The following TTC27 variants were observed in gnomAD, a reference collection of about 807,000 sequenced individuals.
TTC27 encodes tetratricopeptide repeat domain 27.
A neutral mutation model predicts 115.9 loss-of-function variants in TTC27; 79 were observed. That is an observed-to-expected ratio of 0.68 (90% CI 0.57 to 0.82). TTC27 has a LOEUF of 0.82. Ranked by LOEUF, TTC27 falls within the 40% of genes least tolerant of loss-of-function variation. The pLI is 0.00. For synonymous variants in TTC27, 401 were observed against 356.0 expected, an observed-to-expected ratio of 1.13 and a Z score of -1.42; for missense variants, 1,054 against 993.1, an observed-to-expected ratio of 1.06 and a Z score of -0.82.
At chr2:32,639,259 G>A (rs1385948538) in intron 3 of TTC27, among the ~76,000 whole-genome samples, 1 of 152,216 alleles carries the variant, frequency 6.6e-6, no homozygotes, top group Non-Finnish European at 1.5e-5. Flanking sequence ...TGTGACATTG[G>A]AACCCATGTT....
intron 15 of TTC27, among the ~76,000 whole-genome samples, chr2:32,783,634 T>G (rs1019747356): frequency 2.6e-5 from 4 of 152,190 alleles, no homozygotes; most frequent in Admixed American, 2.6e-4. Flanking sequence ...TGAGGCAGAC[T>G]AGAGGAAACT....
At chr2:32,703,303 C>T (rs559985721) in intron 10 of TTC27, among the ~76,000 whole-genome samples, 1 of 152,262 alleles carries the variant, frequency 6.6e-6, no homozygotes, top group South Asian at 2.1e-4. Flanking sequence ...CCCGTCTCTA[C>T]TGAAAATACA....
chr2:32,738,421 C>T (rs377552805), intron 12 of TTC27, among the ~76,000 whole-genome samples: 1 of 152,130 alleles, frequency 6.6e-6, no homozygotes, highest in Non-Finnish European at 1.5e-5. Context: ...TGTGATTCTA[C>T]GAGATGTTTT....
chr2:32,631,263 A>C (rs372934331), intron 2 of TTC27, among the ~76,000 whole-genome samples: 1 of 152,154 alleles, frequency 6.6e-6, no homozygotes, highest in Non-Finnish European at 1.5e-5. Context: ...ATATCCCGCC[A>C]TTGCACTCTA....
At chr2:32,798,177 C>T (rs766740999) in intron 16 of TTC27, among the ~76,000 whole-genome samples, 8 of 150,666 alleles carry the variant, frequency 5.3e-5, no homozygotes, top group Middle Eastern at 3.4e-3. Context: ...GAGGCCAAGG[C>T]GGGCAGATCA....
chr2:32,628,342 A>C lies in TTC27; in HGVS notation c.50A>C (p.Glu17Ala), dbSNP rs972203898. 1.2e-6 allele frequency: 2 copies of C among 1,608,044 alleles called. No individual in the cohort carries two copies. The highest frequency in any genetic ancestry group is 1.7e-6 in the Non-Finnish European group (2 of 1,178,212). ...CTGAGGGGATTCCCCACTGAGGCTG[A>C]GCGGCAGCAATGGAAACAGGAGGGG... is the stretch of plus-strand genomic sequence containing the variant. ...AILRGFPTEAERQQWKQEGVV... is the reference protein window; with the variant it reads ...AILRGFPTEAARQQWKQEGVV... The change falls in exon 1 of 20, where the codon GAG becomes GCG. Residue 17 changes from glutamate to alanine, a missense_variant. Transcript: ENST00000317907.
At chr2:32,728,148 C>G (rs1668172148) in intron 10 of TTC27, among the ~76,000 whole-genome samples, 1 of 149,868 alleles carries the variant, frequency 6.7e-6, no homozygotes, top group African/African-American at 2.5e-5. Flanking sequence ...TCACACCATT[C>G]TCCTGCCTCA....
chr2:32,640,614 C>A (rs761814398), intron 4 of TTC27, among the ~76,000 whole-genome samples: 1 of 152,160 alleles, frequency 6.6e-6, no homozygotes, highest in Non-Finnish European at 1.5e-5. Flanking sequence ...TTATGTTGCA[C>A]CTCCTTAATA....
intron 3 of TTC27, 91 bp downstream of exon 3, chr2:32,634,096 A>G: frequency 7.1e-7 from 1 of 1,400,660 alleles, no homozygotes; most frequent in Non-Finnish European, 9.6e-7. Context: ...ATAGTAGGAA[A>G]GAAACATGAC....
At chr2:32,705,834 G>A (rs528666886) in intron 10 of TTC27, among the ~76,000 whole-genome samples, 2 of 152,092 alleles carry the variant, frequency 1.3e-5, no homozygotes, top group Admixed American at 6.5e-5. Flanking sequence ...GATTATAGGC[G>A]GGAGCCACCT....
At chr2:32,680,990 T>C (rs894086279) in intron 9 of TTC27, among the ~76,000 whole-genome samples, 6 of 152,184 alleles carry the variant, frequency 3.9e-5, no homozygotes, top group Non-Finnish European at 8.8e-5. Context: ...GGGTAACTCA[T>C]CATTCCTAGC....
At chr2:32,652,039 T>A (rs988916571) in intron 5 of TTC27, among the ~76,000 whole-genome samples, 1 of 152,164 alleles carries the variant, frequency 6.6e-6, no homozygotes, top group Non-Finnish European at 1.5e-5. Context: ...AACCTGACCC[T>A]CTCATACCAA....
At chr2:32,753,180 C>T (rs1451866096) in intron 12 of TTC27, among the ~76,000 whole-genome samples, 1 of 152,046 alleles carries the variant, frequency 6.6e-6, no homozygotes, top group Non-Finnish European at 1.5e-5. Context: ...TTCTTCACAG[C>T]ATGATGACTA....
chr2:32,788,358 A>T (rs1670417181), intron 16 of TTC27, among the ~76,000 whole-genome samples: 1 of 152,054 alleles, frequency 6.6e-6, no homozygotes, highest in Admixed American at 6.6e-5. Flanking sequence ...GAAGTCCTCT[A>T]GGGCCAGGCT....
At chr2:32,636,461 G>T (rs947288759) in intron 3 of TTC27, among the ~76,000 whole-genome samples, 1 of 152,064 alleles carries the variant, frequency 6.6e-6, no homozygotes, top group Non-Finnish European at 1.5e-5. Context: ...TGATCCACCC[G>T]CCTCGGCCTC....
rs372817304 is a variant in TTC27, at chr2:32,787,142, A to T, written c.1991A>T (p.Asp664Val). The T allele has an allele frequency of 6.2e-7, 1 of 1,611,654 alleles. No homozygotes were observed. ...TTGGACTTACGTGACAAATACAAAG[A>T]TGTTCAGGTAGGATATTCCTATTCC... ...RLLDLRDKYK[D>V]VQVLKILVRA... The change falls in exon 16 of 20, where the codon GAT (aspartate) becomes GTT (valine). Residue 664 changes from aspartate (D) to valine (V), a missense_variant. Asp to Val is a radical substitution (Grantham distance 152). Coordinates refer to ENST00000317907, the MANE Select transcript of TTC27 (RefSeq NM_017735.5).
At chr2:32,814,516 T>C (rs1671432742) in intron 18 of TTC27, among the ~76,000 whole-genome samples, 1 of 152,250 alleles carries the variant, frequency 6.6e-6, no homozygotes, top group Admixed American at 6.5e-5. Flanking sequence ...TGGATTTCTC[T>C]GTGTATGAGT....
chr2:32,757,660 C>G (rs1669279469), intron 12 of TTC27, among the ~76,000 whole-genome samples: 1 of 152,074 alleles, frequency 6.6e-6, no homozygotes, highest in Non-Finnish European at 1.5e-5. Context: ...CTATTGCATA[C>G]TTAATAGACT....
chr2:32,678,308 A>G (rs968574855), intron 8 of TTC27, among the ~76,000 whole-genome samples: 5 of 151,248 alleles, frequency 3.3e-5, no homozygotes, highest in Non-Finnish European at 7.4e-5. Flanking sequence ...CACCAATCGC[A>G]TTTTATTTGT....
Sources: gnomAD v4.1 joint callset for allele counts (sites outside exome capture counted in the v4.1 genomes callset) on GRCh38, gnomAD v4.1.1 for gene constraint, MANE v1.5 for transcripts, NCBI Gene and HGNC (gene_info 2026-07-23, HGNC 2026-07-21) for gene names.